Variants in RAD51 observed in about 807,000 individuals in gnomAD.
RAD51 encodes RAD51 recombinase, also known as DNA repair protein RAD51 homolog 1.
In RAD51, 14 loss-of-function variants were observed where a neutral mutation model predicts 41.5. The observed-to-expected ratio is 0.34, with a 90% CI of 0.22 to 0.53. RAD51 has a LOEUF of 0.53. Among genes scored for constraint, RAD51 ranks in the 20% least tolerant of loss-of-function variants. The probability of loss-of-function intolerance (pLI) is 0.95; values close to 1 mark genes in which losing one functional copy is unlikely to be tolerated. For missense variants in RAD51, 234 were observed against 422.0 expected, an observed-to-expected ratio of 0.55 and a Z score of 3.90; for synonymous variants, 136 against 148.6, an observed-to-expected ratio of 0.92 and a Z score of 0.62.
chr15:40,722,226 A>G (rs958200398), intron 6 of RAD51, among the ~76,000 whole-genome samples: 2 of 152,156 alleles, frequency 1.3e-5, no homozygotes, highest in African/African-American at 4.8e-5. Context: ...AGCCTGGCCA[A>G]CATGGTGAAT....
intron 9 of RAD51, 59 bp downstream of exon 9, chr15:40,730,033 T>G (rs1896789126): frequency 6.3e-7 from 1 of 1,593,422 alleles, no homozygotes; most frequent in Non-Finnish European, 8.6e-7. Flanking sequence ...TGTGAAGACA[T>G]GAAGATATAA....
At chr15:40,695,116 G>C (rs1894524207), upstream of RAD51, 1 of 152,396 alleles carries the variant, frequency 6.6e-6, no homozygotes, top group Non-Finnish European at 1.5e-5. Context: ...GCGGATCCGG[G>C]AGGCGGGGAT....
Position 40,712,276 on chromosome 15 carries a change from T to C in RAD51, c.435+3160T>C, listed in dbSNP as rs148208276. Among the ~76,000 whole-genome samples the C allele has an allele frequency of 7.4e-4, 112 of 152,236 alleles. 1 individual carries two copies. Among genetic ancestry groups the C allele is most frequent in the African/African-American group, 2.5e-3 (102 of 41,540 alleles). On this transcript the variant is annotated intron_variant, in intron 5 of 9. Transcript: ENST00000267868. ...AGCCCAACAATGTATTACAGTAACT[T>C]AGTAAACCTAAAAAGTGTTTGAGAG...
At position 40,695,228 on chromosome 15, in the gene RAD51, G is replaced by T. The variant is rs952047199; in HGVS notation, c.-200G>T. 1 of 152,404 alleles carries T rather than the reference G, an allele frequency of 6.6e-6. No individual in the cohort carries two copies. Among genetic ancestry groups the T allele is most frequent in the African/African-American group, 2.4e-5 (1 of 41,460 alleles). The allele number at this position is 152,404 out of a possible 1,614,324, so 9.4% of individuals were successfully genotyped here. Reference sequence around the variant, plus strand: ...CAGCGGCCAGAGACCGAGCCCTAAGGAGAGTGCGGCGCTTCCCGAGGCGTG... The same window carrying T: ...CAGCGGCCAGAGACCGAGCCCTAAGTAGAGTGCGGCGCTTCCCGAGGCGTG... On this transcript the variant is annotated 5_prime_UTR_variant, in exon 1 of 10. Transcript: ENST00000267868.
chr15:40,703,772 C>G (rs186607369), intron 3 of RAD51, among the ~76,000 whole-genome samples: 12 of 152,044 alleles, frequency 7.9e-5, no homozygotes, highest in African/African-American at 9.6e-5. Flanking sequence ...TTCAAAGAAC[C>G]AGCTTTTGGT....
At chr15:40,700,003 C>G (rs980480181) in intron 2 of RAD51, among the ~76,000 whole-genome samples, 9 of 152,118 alleles carry the variant, frequency 5.9e-5, no homozygotes. Context: ...CTAGAAGTTA[C>G]TTAAATGGAT....
At chr15:40,727,083 T>C (rs1456687078) in intron 6 of RAD51, among the ~76,000 whole-genome samples, 1 of 152,092 alleles carries the variant, frequency 6.6e-6, no homozygotes, top group Admixed American at 6.6e-5. Context: ...TCTCTGTTTT[T>C]ATAGCAAATA....
chr15:40,698,106 C>T (rs1385489551), intron 1 of RAD51, among the ~76,000 whole-genome samples: 4 of 152,130 alleles, frequency 2.6e-5, no homozygotes, highest in African/African-American at 4.8e-5. Flanking sequence ...TCTCTCCTTC[C>T]TGCCGCCCCC....
chr15:40,696,771 A>G (rs1894665500), intron 1 of RAD51, among the ~76,000 whole-genome samples: 1 of 152,118 alleles, frequency 6.6e-6, no homozygotes, highest in Non-Finnish European at 1.5e-5. Context: ...CCAACACGAT[A>G]TTTTTCAGCC....
upstream of RAD51, chr15:40,694,840 C>T (rs572001720): frequency 5.9e-5 from 9 of 152,348 alleles, no homozygotes; most frequent in African/African-American, 2.2e-4. Context: ...TCCCCCACCG[C>T]CCCCTGAAAT....
At chr15:40,718,516 G>GA (rs57006094) in intron 5 of RAD51, among the ~76,000 whole-genome samples, 80 of 138,166 alleles carry the variant, frequency 5.8e-4, no homozygotes, top group African/African-American at 8.8e-4. Flanking sequence ...ACTATCGCAA[G>GA]AAAAAAAAAA....
chr15:40,718,712 G>A, intron 5 of RAD51, 93 bp from the exon 6 acceptor site: 1 of 1,105,920 alleles, frequency 9.0e-7, no homozygotes, highest in Non-Finnish European at 1.4e-6. Context: ...TTTTCCCTTT[G>A]CCTTGGAGGA....
At chr15:40,718,194 G>A (rs1896079437) in intron 5 of RAD51, among the ~76,000 whole-genome samples, 2 of 152,116 alleles carry the variant, frequency 1.3e-5, no homozygotes, top group Non-Finnish European at 2.9e-5. Context: ...CTGCACTCCA[G>A]CCTGGGCGGC....
At chr15:40,701,527 A>G (rs1180700436) in intron 3 of RAD51, among the ~76,000 whole-genome samples, 2 of 151,426 alleles carry the variant, frequency 1.3e-5, no homozygotes, top group Admixed American at 1.3e-4. Context: ...CTACAGGCAC[A>G]TGCCACCATG....
intron 5 of RAD51, among the ~76,000 whole-genome samples, chr15:40,711,692 CA>C (rs1396297302): frequency 6.6e-6 from 1 of 152,056 alleles, no homozygotes; most frequent in Non-Finnish European, 1.5e-5. Flanking sequence ...GATGGGAAGG[CA>C]TAAGTTAGAA....
intron 6 of RAD51, among the ~76,000 whole-genome samples, chr15:40,723,233 C>T (rs1205400686): frequency 6.6e-6 from 1 of 152,036 alleles, no homozygotes; most frequent in East Asian, 1.9e-4. Flanking sequence ...AAACTGGAAC[C>T]CTCATATACT....
chr15:40,719,530 A>G (rs1896163752), intron 6 of RAD51, among the ~76,000 whole-genome samples: 2 of 152,218 alleles, frequency 1.3e-5, no homozygotes. Context: ...CAGACAAAGT[A>G]CACTTTAAGG....
intron 4 of RAD51, 22 bp downstream of exon 4, chr15:40,706,316 T>G (rs763419060): frequency 1.3e-6 from 2 of 1,538,828 alleles, no homozygotes; most frequent in East Asian, 4.5e-5. Flanking sequence ...CTTTATCCTG[T>G]GTTGTGAACT....
At chr15:40,707,610 AATGTCAGTTT>A (rs1895433965) in intron 4 of RAD51, among the ~76,000 whole-genome samples, 1 of 151,140 alleles carries the variant, frequency 6.6e-6, no homozygotes, top group African/African-American at 2.4e-5. Context: ...CCTGGCCCCC[AATGTCAGTTT>A]TCTAATATCA....
Sources: allele counts gnomAD v4.1 joint callset (sites outside exome capture counted in the v4.1 genomes callset), GRCh38; gene constraint gnomAD v4.1.1; transcripts MANE v1.5; gene names NCBI Gene and HGNC (gene_info 2026-07-23, HGNC 2026-07-21).